Variants in HIVEP3 observed in about 807,000 individuals in gnomAD.
HIVEP3 encodes the protein HIVEP zinc finger 3.
HIVEP3 carries 49 observed loss-of-function variants against 152.8 expected under a neutral mutation model. The observed-to-expected ratio is 0.32, with a 90% CI of 0.26 to 0.41. HIVEP3 has a LOEUF of 0.41. Among genes scored for constraint, HIVEP3 ranks in the 10% least tolerant of loss-of-function variants. The probability of loss-of-function intolerance (pLI) is 1.00; values close to 1 mark genes in which losing one functional copy is unlikely to be tolerated. For missense variants in HIVEP3, 2,790 were observed against 3,103.3 expected (o/e 0.90, Z 2.40); for synonymous variants, 1,269 against 1,289.0 (o/e 0.98, Z 0.33).
intron 5 of HIVEP3, among the ~76,000 whole-genome samples, chr1:41,547,658 T>C (rs1643836562): frequency 6.6e-6 from 1 of 152,224 alleles, no homozygotes; most frequent in Non-Finnish European, 1.5e-5. Flanking sequence ...GCCAACCATG[T>C]GGCAGAGTTA....
In HIVEP3 at chr1:41,849,517, G is replaced by A. The variant is rs895803204; in HGVS notation, c.-801+68896C>T. 3.3e-5 allele frequency among the ~76,000 whole-genome samples: 5 copies of A among 152,284 alleles called. No homozygotes were observed. In the South Asian group the frequency reaches 8.3e-4, roughly 25 times the overall value. On this transcript the variant is annotated intron_variant, in intron 1 of 8. Transcript: ENST00000372583. ...GTGGATGGGACATAATACCAAGGAG[G>A]AGAGTGTGGGTCCAGTCCTAGCACA...
At chr1:41,699,538 G>C (rs1027798519) in intron 2 of HIVEP3, among the ~76,000 whole-genome samples, 3 of 152,246 alleles carry the variant, frequency 2.0e-5, no homozygotes, top group Non-Finnish European at 4.4e-5. Flanking sequence ...TGCCCAGGAG[G>C]GGGTGGCCTA....
At position 41,513,274 on chromosome 1, in the gene HIVEP3, G is replaced by A. The variant is rs781491931; in HGVS notation, c.5947C>T (p.Arg1983Cys). 1.1e-5 allele frequency: 17 copies of A among 1,613,332 alleles called. No homozygotes were observed. Among genetic ancestry groups the A allele is most frequent in the African/African-American group, 2.7e-5 (2 of 74,908 alleles). The change falls in exon 8 of 9, where the codon CGC becomes TGC. Residue 1983 changes from arginine (R) to cysteine (C), a missense_variant. Physicochemically the swap from Arg to Cys is radical, Grantham distance 180. This residue lies in a region of HIVEP3 where 816 missense variants were observed against 806.5 expected (regional missense o/e 1.01). Transcript: ENST00000372583. Reference sequence around the variant, plus strand: ...TCGTTTTTGGTTAGCGAGTGTTTGCGGGCTAGTGGTGGACGGCTGCCTGCT... The same window carrying A: ...TCGTTTTTGGTTAGCGAGTGTTTGCAGGCTAGTGGTGGACGGCTGCCTGCT... ...KEAGSRPPLA[R>C]KHSLTKNDSS... is the part of the protein sequence containing the mutation.
At chr1:42,029,478 T>C (rs1168867743) in intron 1 of HIVEP3, among the ~76,000 whole-genome samples, 2 of 152,196 alleles carry the variant, frequency 1.3e-5, no homozygotes, top group African/African-American at 2.4e-5. Context: ...TTGGGAATAA[T>C]GATTATTATT....
At chr1:41,541,627 T>C (rs1288921682) in intron 5 of HIVEP3, among the ~76,000 whole-genome samples, 1 of 152,138 alleles carries the variant, frequency 6.6e-6, no homozygotes, top group Non-Finnish European at 1.5e-5. Flanking sequence ...GACCCTGAGA[T>C]GGGTCATGCT....
At chr1:41,680,382 C>T (rs766890746) in intron 2 of HIVEP3, among the ~76,000 whole-genome samples, 1 of 152,172 alleles carries the variant, frequency 6.6e-6, no homozygotes, top group Non-Finnish European at 1.5e-5. Flanking sequence ...AGTGCTAAAA[C>T]AGTGGGAAGG....
chr1:41,637,803 T>C lies in HIVEP3; in HGVS notation c.-720-8856A>G, dbSNP rs115046928. On this transcript the variant is annotated intron_variant, in intron 2 of 8. Coordinates refer to ENST00000372583, the MANE Select transcript of HIVEP3 (RefSeq NM_024503.5). ...TATCACTTTTGTAATTTGAAAATGA[T>C]ATAAAAGTATAGAGACAGAAGGTAG... Among the ~76,000 whole-genome samples the C allele has an allele frequency of 7.6e-3, 1,159 of 152,252 alleles. 16 individuals are homozygous for C. The highest frequency in any genetic ancestry group is 0.026 in the African/African-American group (1,094 of 41,512).
intron 1 of HIVEP3, among the ~76,000 whole-genome samples, chr1:42,024,834 G>A (rs1645573323): frequency 6.6e-6 from 1 of 152,090 alleles, no homozygotes; most frequent in South Asian, 2.1e-4. Flanking sequence ...ATATGAAAAT[G>A]TTTTCATTTT....
intron 1 of HIVEP3, among the ~76,000 whole-genome samples, chr1:41,749,273 AT>A (rs1399362707): frequency 1.3e-5 from 2 of 152,188 alleles, no homozygotes; most frequent in Admixed American, 6.5e-5. Flanking sequence ...ATCCATGACC[AT>A]TTACCCATGA....
At chr1:42,027,702 G>C (rs1645590285) in intron 1 of HIVEP3, among the ~76,000 whole-genome samples, 1 of 152,178 alleles carries the variant, frequency 6.6e-6, no homozygotes, top group Non-Finnish European at 1.5e-5. Flanking sequence ...GGTTTAACTG[G>C]ACTTACAGTT....
rs145134470 is a variant in HIVEP3, at chr1:41,518,463, C to T, written c.5409G>A (p.Ser1803=). Residue 1803 remains serine, a synonymous_variant, in exon 7 of 9, where the codon TCG becomes TCA. Transcript: ENST00000372583. Reference sequence around the variant, plus strand: ...CTTGGCACTTTTTGCTGTGGGCCTTCGACTTCATGTGCTTAGTCAGATTCC... The same window carrying T: ...CTTGGCACTTTTTGCTGTGGGCCTTTGACTTCATGTGCTTAGTCAGATTCC... The part of the protein sequence containing the change: ...TKGNLTKHMK[S]KAHSKKCQET... 2.2e-5 allele frequency: 35 copies of T among 1,614,034 alleles called. No individual in the cohort carries two copies. The highest frequency in any genetic ancestry group is 3.3e-4 in the Middle Eastern group (2 of 6,084).
At chr1:41,848,960 A>C (rs1200065878) in intron 1 of HIVEP3, 7 of 152,286 alleles carry the variant, frequency 4.6e-5, no homozygotes, top group Non-Finnish European at 8.8e-5. Flanking sequence ...CAGTGTCCTC[A>C]ACCTCTGGCA....
intron 1 of HIVEP3, among the ~76,000 whole-genome samples, chr1:41,719,466 C>T (rs1487271919): frequency 6.6e-6 from 1 of 152,198 alleles, no homozygotes; most frequent in Non-Finnish European, 1.5e-5. Flanking sequence ...CCCTAGTGAG[C>T]CCTAGTGAGT....
chr1:41,842,696 G>T lies in HIVEP3; in HGVS notation c.-801+75717C>A, dbSNP rs111521672. 6.6e-5 allele frequency among the ~76,000 whole-genome samples: 10 copies of T among 152,280 alleles called. 1 individual carries two copies. Among genetic ancestry groups the T allele is most frequent in the African/African-American group, 2.2e-4 (9 of 41,552 alleles). On this transcript the variant is annotated intron_variant, in intron 1 of 8. Coordinates refer to ENST00000372583, the MANE Select transcript of HIVEP3 (RefSeq NM_024503.5). ...CAAGAGAAAAGAGAGCAGAAAGAAA[G>T]AAAAGGAAGCAGCATTCTTTCTCAT...
chr1:41,527,408 T>G (rs1481197973), intron 5 of HIVEP3, among the ~76,000 whole-genome samples: 4 of 110,064 alleles, frequency 3.6e-5, no homozygotes, highest in Non-Finnish European at 7.4e-5. Context: ...CACCCTGCCC[T>G]CACACTCACC....
chr1:41,643,066 T>A (rs748416420), intron 2 of HIVEP3, among the ~76,000 whole-genome samples: 1 of 152,134 alleles, frequency 6.6e-6, no homozygotes, highest in Non-Finnish European at 1.5e-5. Flanking sequence ...ACCGCCACCG[T>A]CTTGGCCTAG....
chr1:41,786,373 G>T (rs1163188242), intron 1 of HIVEP3, among the ~76,000 whole-genome samples: 1 of 152,042 alleles, frequency 6.6e-6, no homozygotes, highest in Non-Finnish European at 1.5e-5. Flanking sequence ...CTCTGCTCAG[G>T]GCCTGCCCCA....
rs1403867437 is a variant in HIVEP3 at position 41,506,923 on chromosome 1, C to T, written c.*3528G>A. 1 of 151,532 alleles carries T rather than the reference C, an allele frequency of 6.6e-6. No individual in the cohort carries two copies. The highest frequency in any genetic ancestry group is 2.4e-5 in the African/African-American group (1 of 41,210). 9.4% of individuals were successfully genotyped at this position (151,532 alleles called of 1,614,324 possible). A position where few individuals can be genotyped will look rare whatever the true frequency, so the allele number is the denominator to read the frequency against. On this transcript the variant is annotated 3_prime_UTR_variant, in exon 9 of 9. Transcript: ENST00000372583. ...TTTCTTTTCTTTCTTTCTTTTTTTA[C>T]ATACTAGATTTATTAAAGTGACCAT...
chr1:41,580,084 G>A lies in HIVEP3; in HGVS notation c.4714C>T (p.Pro1572Ser), dbSNP rs753674021. 5 of 1,614,252 alleles carry A rather than the reference G, an allele frequency of 3.1e-6. No individual in the cohort carries two copies. The highest frequency in any genetic ancestry group is 1.7e-5 in the Admixed American group (1 of 60,036). ...GGTCTGGAGGACGTTTCTGACAGAG[G>A]CAGAGAGCTCGGAGGTGCCAAGGAG... Reference protein sequence around the residue: ...LPSLAPPSSLPLSETSSRPAK... With the variant: ...LPSLAPPSSLSLSETSSRPAK... The change falls in exon 4 of 9, where the codon CCT becomes TCT. Residue 1572 changes from proline to serine, a missense_variant. Around this residue, in one of 9 missense-constraint regions of HIVEP3, gnomAD observed 1,078 missense variants for 1,165.3 expected, o/e 0.93. Transcript: ENST00000372583.
Sources: allele counts gnomAD v4.1 joint callset (sites outside exome capture counted in the v4.1 genomes callset), GRCh38; gene constraint gnomAD v4.1.1; regional missense constraint gnomAD v4.1.1; transcripts MANE v1.5; gene names NCBI Gene and HGNC (gene_info 2026-07-23, HGNC 2026-07-21).